Variants in KCNMB2 observed in about 807,000 individuals in gnomAD.
KCNMB2 encodes the protein potassium calcium-activated channel subfamily M regulatory beta subunit 2, also known as calcium-activated potassium channel subunit beta-2.
Under a neutral mutation model 24.5 loss-of-function variants are expected in KCNMB2, and 9 were observed. That is an observed-to-expected ratio of 0.37 (90% CI 0.22 to 0.64). The LOEUF is 0.64. Ranked by LOEUF, KCNMB2 falls within the 30% of genes least tolerant of loss-of-function variation. The pLI is 0.63. For synonymous variants in KCNMB2, 109 were observed against 104.4 expected (o/e 1.04, Z -0.27); for missense variants, 226 against 284.3 (o/e 0.79, Z 1.47).
At chr3:178,692,405 T>G (rs1721713664) in intron 1 of KCNMB2, among the ~76,000 whole-genome samples, 1 of 152,244 alleles carries the variant, frequency 6.6e-6, no homozygotes, top group Admixed American at 6.5e-5. Context: ...TAATCCATCT[T>G]GAGTTAATTT....
At chr3:178,683,929 C>T (rs1721365737) in intron 1 of KCNMB2, among the ~76,000 whole-genome samples, 1 of 152,076 alleles carries the variant, frequency 6.6e-6, no homozygotes, top group Admixed American at 6.5e-5. Context: ...ATAGAACTAC[C>T]CCATGATCCA....
At chr3:178,601,487 CTT>C (rs1479389886) in intron 1 of KCNMB2, among the ~76,000 whole-genome samples, 4 of 152,318 alleles carry the variant, frequency 2.6e-5, no homozygotes, top group Admixed American at 2.0e-4. Context: ...ACACAAACCT[CTT>C]TGGATAGCAT....
intron 1 of KCNMB2, among the ~76,000 whole-genome samples, chr3:178,781,332 C>CT (rs1437183463): frequency 1.3e-5 from 2 of 152,092 alleles, no homozygotes; most frequent in South Asian, 4.1e-4. Context: ...TGGCTCACGC[C>CT]TGTAATCCCA....
At chr3:178,735,846 G>C (rs1001609620) in intron 1 of KCNMB2, among the ~76,000 whole-genome samples, 4 of 152,182 alleles carry the variant, frequency 2.6e-5, no homozygotes, top group Non-Finnish European at 4.4e-5. Context: ...TATGTAATGA[G>C]AGTCAGCACC....
intron 1 of KCNMB2, among the ~76,000 whole-genome samples, chr3:178,670,746 C>G (rs1720872219): frequency 6.6e-6 from 1 of 152,140 alleles, no homozygotes; most frequent in African/African-American, 2.4e-5. Context: ...GCTGCATTGC[C>G]TCTCCTGTGA....
At chr3:178,701,821 G>T (rs1006210699) in intron 1 of KCNMB2, among the ~76,000 whole-genome samples, 1 of 152,138 alleles carries the variant, frequency 6.6e-6, no homozygotes, top group African/African-American at 2.4e-5. Flanking sequence ...CTGTTGGTGG[G>T]ACTGTAAACT....
chr3:178,751,855 A>T (rs1026176559), intron 1 of KCNMB2, among the ~76,000 whole-genome samples: 2 of 152,172 alleles, frequency 1.3e-5, no homozygotes, highest in African/African-American at 4.8e-5. Flanking sequence ...TTTTTTTGAG[A>T]TCCTAATATA....
chr3:178,609,183 T>C (rs1016942588), intron 1 of KCNMB2, among the ~76,000 whole-genome samples: 1 of 152,188 alleles, frequency 6.6e-6, no homozygotes, highest in Non-Finnish European at 1.5e-5. Flanking sequence ...TACAAACCAT[T>C]TTAACTGTGG....
chr3:178,830,066 C>T (rs188521957), intron 4 of KCNMB2, among the ~76,000 whole-genome samples: 1 of 152,138 alleles, frequency 6.6e-6, no homozygotes, highest in Non-Finnish European at 1.5e-5. Context: ...ACAGGCTCTG[C>T]CTCCACCAAA....
At chr3:178,807,577 G>T (rs781640661) in intron 2 of KCNMB2, 112 bp downstream of exon 2, 164 of 875,602 alleles carry the variant, frequency 1.9e-4, no homozygotes, top group Non-Finnish European at 2.9e-4. Context: ...GCAATGTGGG[G>T]ACAGACTCTA....
intron 1 of KCNMB2, among the ~76,000 whole-genome samples, chr3:178,758,757 TCTCCAAGAGGG>T (rs1412031529): frequency 1.0e-4 from 1 of 9,704 alleles, no homozygotes; most frequent in Non-Finnish European, 1.6e-4. Context: ...TATATATATA[TCTCCAAGAGGG>T]ATATATATAT....
chr3:178,735,391 C>T (rs1000202175), intron 1 of KCNMB2, among the ~76,000 whole-genome samples: 15 of 152,228 alleles, frequency 9.9e-5, no homozygotes, highest in Admixed American at 2.0e-4. Flanking sequence ...GCCTGCAAAT[C>T]GGAGTTGCTT....
chr3:178,835,800 CCTCTA>C (rs1232491365), intron 4 of KCNMB2, among the ~76,000 whole-genome samples: 7 of 152,004 alleles, frequency 4.6e-5, no homozygotes, highest in Non-Finnish European at 5.9e-5. Flanking sequence ...GTGTGGCCCA[CCTCTA>C]TGATGGTACA....
At chr3:178,704,993 C>T (rs1722230077) in intron 1 of KCNMB2, among the ~76,000 whole-genome samples, 2 of 152,120 alleles carry the variant, frequency 1.3e-5, no homozygotes, top group Admixed American at 1.3e-4. Flanking sequence ...ATCCTTTCCT[C>T]CTCTTCAAAC....
chr3:178,698,947 C>A (rs13067125), intron 1 of KCNMB2, among the ~76,000 whole-genome samples: 38,403 of 152,146 alleles, frequency 0.25, 5,379 homozygotes, highest in African/African-American at 0.37. Flanking sequence ...TCGGCCCCAA[C>A]TTTATTATCT....
chr3:178,697,578 T>G (rs1003754658), intron 1 of KCNMB2, among the ~76,000 whole-genome samples: 4 of 152,210 alleles, frequency 2.6e-5, no homozygotes, highest in Non-Finnish European at 5.9e-5. Context: ...TCTATGCCTT[T>G]TATTTGGAGT....
At chr3:178,785,359 C>G (rs960491366) in intron 1 of KCNMB2, among the ~76,000 whole-genome samples, 1 of 151,760 alleles carries the variant, frequency 6.6e-6, no homozygotes, top group African/African-American at 2.4e-5. Context: ...ATTCTATATC[C>G]TATAAATTTA....
rs61103223 is a variant in KCNMB2 at position 178,703,215 on chromosome 3, T to C, written c.-67-104128T>C. Among the ~76,000 whole-genome samples the C allele has an allele frequency of 1.7e-3, 264 of 152,262 alleles. 1 individual carries two copies. The highest frequency in any genetic ancestry group is 6.1e-3 in the African/African-American group (252 of 41,548). On this transcript the variant is annotated intron_variant, in intron 1 of 4. Transcript: ENST00000452583. ...CTATTCAGGGCTCCTATTTGCTAAG[T>C]GCCGAATACATTCTTATCTCTATCA...
chr3:178,557,955 C>T (rs1197379655), intron 1 of KCNMB2, among the ~76,000 whole-genome samples: 1 of 152,184 alleles, frequency 6.6e-6, no homozygotes, highest in Non-Finnish European at 1.5e-5. Context: ...CCTGCACACA[C>T]TTGGCCTCCT....
Sources: gnomAD v4.1 joint callset for allele counts (sites outside exome capture counted in the v4.1 genomes callset) on GRCh38, gnomAD v4.1.1 for gene constraint, MANE v1.5 for transcripts, NCBI Gene and HGNC (gene_info 2026-07-23, HGNC 2026-07-21) for gene names.